PDE10A: variants seen among roughly 807,000 people sequenced by gnomAD.
PDE10A encodes phosphodiesterase 10A.
In PDE10A, 39 loss-of-function variants were observed where a neutral mutation model predicts 97.7. The ratio of observed to expected loss-of-function variants is 0.40; its 90% CI spans 0.31 to 0.52. The LOEUF (loss-of-function observed/expected upper bound fraction) is 0.52, where lower values mean the gene tolerates loss of function less well. Among genes scored for constraint, PDE10A ranks in the 20% least tolerant of loss-of-function variants. The probability of loss-of-function intolerance (pLI) is 0.56; values close to 1 mark genes in which losing one functional copy is unlikely to be tolerated. For missense variants in PDE10A, 731 were observed against 1,047.8 expected (o/e 0.70, Z 4.17); for synonymous variants, 371 against 376.8 (o/e 0.98, Z 0.18).
intron 1 of PDE10A, among the ~76,000 whole-genome samples, chr6:165,906,659 C>G (rs1452496653): frequency 1.3e-5 from 2 of 152,096 alleles, no homozygotes. Context: ...TGGCAGGTGC[C>G]AGAGAATGCA....
intron 1 of PDE10A, among the ~76,000 whole-genome samples, chr6:165,634,039 G>A (rs1788757248): frequency 6.6e-6 from 1 of 152,040 alleles, no homozygotes; most frequent in African/African-American, 2.4e-5. Context: ...GAGTGGTTCT[G>A]AAAGTCAAGA....
intron 1 of PDE10A, among the ~76,000 whole-genome samples, chr6:165,746,057 T>C (rs1792836523): frequency 6.6e-6 from 1 of 152,236 alleles, no homozygotes; most frequent in African/African-American, 2.4e-5. Context: ...CATACGTGAA[T>C]GGATACACAT....
At chr6:165,470,993 G>T (rs1452130762) in intron 3 of PDE10A, among the ~76,000 whole-genome samples, 1 of 151,898 alleles carries the variant, frequency 6.6e-6, no homozygotes, top group Non-Finnish European at 1.5e-5. Context: ...CTCTTTTCAG[G>T]TAAAACTCCA....
Position 165,671,557 on chromosome 6 carries a change from C to T in PDE10A, c.-614-127989G>A, listed in dbSNP as rs1790648058. 6.6e-6 allele frequency among the ~76,000 whole-genome samples: 1 copy of T among 152,184 alleles called. No individual in the cohort carries two copies. The highest frequency in any genetic ancestry group is 1.5e-5 in the Non-Finnish European group (1 of 68,042). On this transcript the variant is annotated intron_variant, in intron 1 of 19. Transcript: ENST00000366882. The surrounding 1 kb of genome is among the most constrained non-coding windows in gnomAD (Gnocchi z 4.6). Reference sequence around the variant, plus strand: ...TCCATGACTGTGTTCAGCATGACTGCACTCAAAGGACCCAATTAATTCACT... The same window carrying T: ...TCCATGACTGTGTTCAGCATGACTGTACTCAAAGGACCCAATTAATTCACT...
chr6:165,682,774 A>G (rs1039453555), intron 1 of PDE10A, among the ~76,000 whole-genome samples: 2 of 152,194 alleles, frequency 1.3e-5, no homozygotes, highest in Non-Finnish European at 1.5e-5. Flanking sequence ...TTAGCCATCT[A>G]TAGACCATAT....
At chr6:165,746,461 C>A (rs1792845833) in intron 1 of PDE10A, among the ~76,000 whole-genome samples, 1 of 152,236 alleles carries the variant, frequency 6.6e-6, no homozygotes, top group Non-Finnish European at 1.5e-5. Context: ...ACAATTCACA[C>A]AGGCCAGCCA....
intron 1 of PDE10A, among the ~76,000 whole-genome samples, chr6:165,839,952 CCCATCTACATCT>C (rs1780196684): frequency 6.6e-6 from 1 of 151,092 alleles, no homozygotes; most frequent in African/African-American, 2.4e-5. Flanking sequence ...CATTTCCATC[CCCATCTACATCT>C]CTGTCTTCAT....
At chr6:165,335,048 C>A (rs552827589) in intron 21 of PDE10A, among the ~76,000 whole-genome samples, 1 of 152,198 alleles carries the variant, frequency 6.6e-6, no homozygotes, top group African/African-American at 2.4e-5. Flanking sequence ...GGAGCCAATT[C>A]ACCTAGAAAA....
intron 1 of PDE10A, among the ~76,000 whole-genome samples, chr6:165,748,102 C>G (rs141155042): frequency 5.3e-5 from 8 of 152,254 alleles, no homozygotes; most frequent in African/African-American, 1.9e-4. Flanking sequence ...ACAGGAGAGA[C>G]CTGGCAGAGA....
rs751285984 is a variant in PDE10A, at chr6:165,435,243, G to C, written c.1329C>G (p.Ile443Met). 1.9e-6 allele frequency: 3 copies of C among 1,613,184 alleles called. No individual in the cohort carries two copies. The highest frequency in any genetic ancestry group is 1.7e-5 in the Admixed American group (1 of 59,852). Residue 443 changes from isoleucine to methionine, a missense_variant, in exon 6 of 22, where the codon ATC becomes ATG. Ile to Met is a conservative substitution (Grantham distance 10). This residue lies in a region of PDE10A where 152 missense variants were observed against 199.3 expected (regional missense o/e 0.76). Transcript: ENST00000539869. ...KSRKTLLVEDILGDERFPRGT... is the reference protein window; with the variant it reads ...KSRKTLLVEDMLGDERFPRGT... The stretch of plus-strand genomic sequence containing the variant: ...GAATCAAAAAGCCACTTACTCCAAG[G>C]ATGTCTTCTACTAGCAGTGTTTTCC...
chr6:165,645,681 C>T (rs1487036938), intron 1 of PDE10A, among the ~76,000 whole-genome samples: 1 of 151,804 alleles, frequency 6.6e-6, no homozygotes, highest in African/African-American at 2.4e-5. Context: ...TGGTGAAACC[C>T]TATCTCTACT....
At chr6:165,404,046 T>G (rs1367971995) in intron 13 of PDE10A, among the ~76,000 whole-genome samples, 1 of 152,184 alleles carries the variant, frequency 6.6e-6, no homozygotes, top group Non-Finnish European at 1.5e-5. Flanking sequence ...TATTGTGTAT[T>G]TCAAAATAGC....
rs1168771487 is a variant in PDE10A, at chr6:165,796,091, C to CTTTTTTTTTTTTTTTTTTTTTTT, written c.-615+191437_-615+191438insAAAAAAAAAAAAAAAAAAAAAAA. Among the ~76,000 whole-genome samples the CTTTTTTTTTTTTTTTTTTTTTTT allele has an allele frequency of 2.2e-4, 24 of 108,818 alleles. 1 individual carries two copies. Among genetic ancestry groups the CTTTTTTTTTTTTTTTTTTTTTTT allele is most frequent in the East Asian group, 2.8e-4 (1 of 3,542 alleles). The allele number at this position is 108,818 out of a possible 152,430, so 71.4% of individuals were successfully genotyped here. ...GCACGTCTTTTCTTTTTTTTCTTTTCTTTTTTTTTTTTTTTTTTTTTTGAG... is the reference window on the plus strand; with the variant it reads ...GCACGTCTTTTCTTTTTTTTCTTTTCTTTTTTTTTTTTTTTTTTTTTTTTTTTTTTTTTTTTTTTTTTTTTGAG... On this transcript the variant is annotated intron_variant, in intron 1 of 19. Coordinates refer to the PDE10A transcript ENST00000366882.
intron 1 of PDE10A, among the ~76,000 whole-genome samples, chr6:165,640,545 T>TA (rs1159270906): frequency 6.6e-6 from 1 of 152,220 alleles, no homozygotes; most frequent in African/African-American, 2.4e-5. Flanking sequence ...AGCTCTTATG[T>TA]AATAACCTGT....
At chr6:165,693,799 T>G (rs1168641678) in intron 1 of PDE10A, among the ~76,000 whole-genome samples, 1 of 152,160 alleles carries the variant, frequency 6.6e-6, no homozygotes, top group African/African-American at 2.4e-5. Flanking sequence ...TGGGGCCAAT[T>G]CATTTCAGGC....
At chr6:165,982,760 G>A (rs1283365541) in intron 1 of PDE10A, among the ~76,000 whole-genome samples, 2 of 147,850 alleles carry the variant, frequency 1.4e-5, no homozygotes, top group African/African-American at 4.9e-5. Context: ...AACTATTCGG[G>A]GTTTTCATCA....
chr6:165,627,852 C>G (rs538617386), intron 1 of PDE10A, among the ~76,000 whole-genome samples: 90 of 152,348 alleles, frequency 5.9e-4, no homozygotes, highest in African/African-American at 2.0e-3. Flanking sequence ...TAGAATTCAT[C>G]TGAATGAAAT....
At chr6:165,794,286 ACTCC>A (rs938511851) in intron 1 of PDE10A, among the ~76,000 whole-genome samples, 6 of 149,014 alleles carry the variant, frequency 4.0e-5, no homozygotes, top group Admixed American at 4.0e-4. Flanking sequence ...ACACTTATGC[ACTCC>A]CTCCCACACT....
chr6:165,782,907 AG>A (rs1427911845), intron 1 of PDE10A, among the ~76,000 whole-genome samples: 1 of 152,192 alleles, frequency 6.6e-6, no homozygotes, highest in Admixed American at 6.5e-5. Context: ...CTGCGTATGA[AG>A]GAAAGAAGAA....
Sources: allele counts gnomAD v4.1 joint callset (sites outside exome capture counted in the v4.1 genomes callset), GRCh38; gene constraint gnomAD v4.1.1; regional missense constraint gnomAD v4.1.1; non-coding constraint Gnocchi (gnomAD v3.1); transcripts MANE v1.5; gene names NCBI Gene and HGNC (gene_info 2026-07-23, HGNC 2026-07-21).